Variants in GPC6 observed in about 807,000 individuals in gnomAD.
GPC6 encodes glypican 6, also known as glypican-6.
In GPC6, 14 loss-of-function variants were observed where a neutral mutation model predicts 55.2. That is an observed-to-expected ratio of 0.25 (90% CI 0.17 to 0.40). The LOEUF is 0.40. Among genes scored for constraint, GPC6 ranks in the 10% least tolerant of loss-of-function variants. The pLI, the probability that GPC6 is intolerant of heterozygous loss-of-function variation, is 1.00. For missense variants in GPC6, 641 were observed against 708.5 expected (o/e 0.90, Z 1.08); for synonymous variants, 278 against 259.6 (o/e 1.07, Z -0.68).
At chr13:93,578,593 G>A (rs1337818991) in intron 2 of GPC6, among the ~76,000 whole-genome samples, 3 of 148,372 alleles carry the variant, frequency 2.0e-5, no homozygotes, top group African/African-American at 7.4e-5. Flanking sequence ...TAGTCTAGCT[G>A]TAAGTTTGTT....
intron 1 of GPC6, among the ~76,000 whole-genome samples, chr13:93,232,361 C>G (rs1300990563): frequency 6.6e-6 from 1 of 152,052 alleles, no homozygotes; most frequent in Non-Finnish European, 1.5e-5. Flanking sequence ...TGTAATGATT[C>G]TACAAGTCAC....
intron 3 of GPC6, among the ~76,000 whole-genome samples, chr13:93,850,408 C>G (rs919678091): frequency 5.9e-5 from 9 of 151,908 alleles, no homozygotes; most frequent in Non-Finnish European, 1.3e-4. Context: ...CAAGCTCAAC[C>G]TATGGGGACC....
At chr13:93,380,596 G>C (rs1383136008) in intron 1 of GPC6, among the ~76,000 whole-genome samples, 2 of 152,136 alleles carry the variant, frequency 1.3e-5, no homozygotes, top group East Asian at 3.9e-4. Context: ...AGATGCAGCA[G>C]TCCTTATGGG....
chr13:93,259,404 A>G (rs1411276786), intron 1 of GPC6, among the ~76,000 whole-genome samples: 1 of 152,158 alleles, frequency 6.6e-6, no homozygotes, highest in Non-Finnish European at 1.5e-5. Flanking sequence ...ATATAATCAG[A>G]TTTATGTAGA....
intron 4 of GPC6, among the ~76,000 whole-genome samples, chr13:94,123,766 A>G (rs904438156): frequency 6.6e-6 from 1 of 152,068 alleles, no homozygotes; most frequent in Non-Finnish European, 1.5e-5. Context: ...ATTGGATACT[A>G]ATCTTGGGAA....
intron 2 of GPC6, among the ~76,000 whole-genome samples, chr13:93,756,758 A>G (rs1205823918): frequency 6.6e-6 from 1 of 152,146 alleles, no homozygotes; most frequent in Non-Finnish European, 1.5e-5. Flanking sequence ...AAACTTCCCA[A>G]TCTTTTCAGC....
chr13:93,273,378 G>C (rs925283570), intron 1 of GPC6, among the ~76,000 whole-genome samples: 1 of 152,166 alleles, frequency 6.6e-6, no homozygotes, highest in African/African-American at 2.4e-5. Context: ...CTGTACATAG[G>C]CTGGGCGCGG....
intron 2 of GPC6, among the ~76,000 whole-genome samples, chr13:93,658,962 A>C (rs1880807002): frequency 6.6e-6 from 1 of 151,860 alleles, no homozygotes; most frequent in Admixed American, 6.6e-5. Flanking sequence ...TGGTTCATTA[A>C]ATATTTGGTA....
intron 1 of GPC6, among the ~76,000 whole-genome samples, chr13:93,426,253 T>G (rs909791423): frequency 6.6e-6 from 1 of 152,088 alleles, no homozygotes; most frequent in Non-Finnish European, 1.5e-5. Flanking sequence ...ATTATTATTA[T>G]ACTTTAAGTT....
At chr13:93,476,537 C>A (rs968613895) in intron 1 of GPC6, among the ~76,000 whole-genome samples, 1 of 152,226 alleles carries the variant, frequency 6.6e-6, no homozygotes, top group African/African-American at 2.4e-5. Flanking sequence ...AAAATGTATC[C>A]ATAAGTTTTT....
At chr13:94,032,450 A>T (rs529339128) in intron 4 of GPC6, among the ~76,000 whole-genome samples, 1 of 152,312 alleles carries the variant, frequency 6.6e-6, no homozygotes, top group Non-Finnish European at 1.5e-5. Flanking sequence ...TTGATGTTAA[A>T]TAGCCACAGC....
chr13:93,465,483 T>C (rs1406979584), intron 1 of GPC6, among the ~76,000 whole-genome samples: 1 of 152,216 alleles, frequency 6.6e-6, no homozygotes, highest in Non-Finnish European at 1.5e-5. Context: ...GGAGAAAGCG[T>C]CTTTGCTTCA....
chr13:93,769,047 G>C (rs916887427), intron 2 of GPC6, among the ~76,000 whole-genome samples: 5 of 149,748 alleles, frequency 3.3e-5, no homozygotes, highest in Admixed American at 1.4e-4. Flanking sequence ...ATTAACATTA[G>C]CAAAAAAAGA....
chr13:93,523,159 A>G (rs900779150), intron 1 of GPC6, among the ~76,000 whole-genome samples: 2 of 146,550 alleles, frequency 1.4e-5, no homozygotes, highest in African/African-American at 2.5e-5. Flanking sequence ...TTATCCATAT[A>G]TGTACATATA....
intron 3 of GPC6, among the ~76,000 whole-genome samples, chr13:93,896,465 C>T (rs904230576): frequency 2.0e-5 from 3 of 152,036 alleles, no homozygotes; most frequent in African/African-American, 7.2e-5. Flanking sequence ...TCAGATGACT[C>T]GTATAAACTT....
At chr13:93,271,253 T>G (rs1462408733) in intron 1 of GPC6, among the ~76,000 whole-genome samples, 1 of 152,130 alleles carries the variant, frequency 6.6e-6, no homozygotes, top group Non-Finnish European at 1.5e-5. Flanking sequence ...CTCTTGACCT[T>G]TATCTTCTGC....
At chr13:94,141,363 CAG>C (rs987866287) in intron 4 of GPC6, among the ~76,000 whole-genome samples, 3 of 152,138 alleles carry the variant, frequency 2.0e-5, no homozygotes, top group African/African-American at 7.2e-5. Context: ...TACACTGAGA[CAG>C]AGTGACTTGT....
chr13:94,406,444 A>C lies in GPC6; in HGVS notation c.*3227A>C, dbSNP rs1330050838. ...ATTATAGCCATCGTAGAACATTAGCACTAGAAATCTGTCTCCCTTACAATG... is the reference window on the plus strand; with the variant it reads ...ATTATAGCCATCGTAGAACATTAGCCCTAGAAATCTGTCTCCCTTACAATG... On this transcript the variant is annotated 3_prime_UTR_variant, in exon 9 of 9. Transcript: ENST00000377047. 1 of 152,128 alleles carries C rather than the reference A, an allele frequency of 6.6e-6. No homozygotes were observed. The highest frequency in any genetic ancestry group is 6.5e-5 in the Admixed American group (1 of 15,274). The allele number at this position is 152,128 out of a possible 1,614,324, so 9.4% of individuals were successfully genotyped here.
At chr13:94,402,988 C>T in intron 8 of GPC6, 27 bp from the exon 9 acceptor site, 1 of 1,538,282 alleles carries the variant, frequency 6.5e-7, no homozygotes, top group Non-Finnish European at 9.0e-7. Context: ...AGTGGTCTAA[C>T]TTTCTTTTTC....
Sources: allele counts gnomAD v4.1 joint callset (sites outside exome capture counted in the v4.1 genomes callset), GRCh38; gene constraint gnomAD v4.1.1; transcripts MANE v1.5; gene names NCBI Gene and HGNC (gene_info 2026-07-23, HGNC 2026-07-21).